The following KCNH5 variants were observed in gnomAD, a reference collection of about 807,000 sequenced individuals.
The protein encoded by KCNH5 is potassium voltage-gated channel subfamily H member 5.
In KCNH5, 46 loss-of-function variants were observed where a neutral mutation model predicts 96.1. The observed-to-expected ratio is 0.48, with a 90% CI of 0.38 to 0.61. The LOEUF is 0.61. Among genes scored for constraint, KCNH5 ranks in the 20% least tolerant of loss-of-function variants. KCNH5 has a pLI of 0.00. For synonymous variants in KCNH5, 439 were observed against 449.8 expected (o/e 0.98, Z 0.30); for missense variants, 907 against 1,225.8 (o/e 0.74, Z 3.88).
chr14:62,893,643 C>A (rs771382094), intron 7 of KCNH5, among the ~76,000 whole-genome samples: 1 of 152,106 alleles, frequency 6.6e-6, no homozygotes, highest in Non-Finnish European at 1.5e-5. Flanking sequence ...GTAATCCCAG[C>A]TACTTGGGAG....
chr14:62,904,508 A>T (rs912785026), intron 7 of KCNH5, among the ~76,000 whole-genome samples: 19 of 152,116 alleles, frequency 1.2e-4, no homozygotes, highest in Admixed American at 1.0e-3. Flanking sequence ...ATGGTCCTCA[A>T]TGGTTTCCTT....
chr14:62,791,854 T>C (rs1273715423), intron 9 of KCNH5, among the ~76,000 whole-genome samples: 1 of 151,620 alleles, frequency 6.6e-6, no homozygotes, highest in African/African-American at 2.4e-5. Flanking sequence ...CTTTCAACAA[T>C]GGATAGATCA....
chr14:62,807,366 T>C (rs1886788474), intron 8 of KCNH5, among the ~76,000 whole-genome samples: 2 of 152,130 alleles, frequency 1.3e-5, no homozygotes, highest in Admixed American at 1.3e-4. Flanking sequence ...ATAAAAGAGC[T>C]CTAATTAATT....
intron 7 of KCNH5, among the ~76,000 whole-genome samples, chr14:62,886,224 A>C (rs1054658726): frequency 6.6e-6 from 1 of 152,160 alleles, no homozygotes; most frequent in Non-Finnish European, 1.5e-5. Flanking sequence ...AAACATCTCT[A>C]ATTGCACAGC....
At chr14:63,045,024 C>A in intron 1 of KCNH5, 90 bp downstream of exon 1, 5 of 1,045,818 alleles carry the variant, frequency 4.8e-6, no homozygotes, top group Non-Finnish European at 7.5e-6. Context: ...CATCCTCCTC[C>A]CCCCTTGGGA....
At chr14:62,771,442 T>C (rs546311550) in intron 10 of KCNH5, among the ~76,000 whole-genome samples, 10 of 152,158 alleles carry the variant, frequency 6.6e-5, no homozygotes, top group East Asian at 5.8e-4. Flanking sequence ...CTGGCTAACA[T>C]GGTGAAACCC....
At chr14:62,882,386 G>C (rs1888511692) in intron 7 of KCNH5, among the ~76,000 whole-genome samples, 1 of 152,150 alleles carries the variant, frequency 6.6e-6, no homozygotes, top group Non-Finnish European at 1.5e-5. Context: ...CTAGTATTGA[G>C]CTGCATGCTG....
chr14:62,812,290 C>T (rs1886888463), intron 8 of KCNH5, among the ~76,000 whole-genome samples: 1 of 152,138 alleles, frequency 6.6e-6, no homozygotes, highest in South Asian at 2.1e-4. Flanking sequence ...CATAGAACAG[C>T]CTAAATTTCA....
chr14:62,979,356 T>A (rs991397498), intron 6 of KCNH5, among the ~76,000 whole-genome samples: 2 of 152,038 alleles, frequency 1.3e-5, no homozygotes, highest in African/African-American at 4.8e-5. Flanking sequence ...ATTATTATGA[T>A]TTTTTTCTCA....
intron 1 of KCNH5, among the ~76,000 whole-genome samples, chr14:63,026,014 A>T (rs1891518129): frequency 6.6e-6 from 1 of 152,070 alleles, no homozygotes; most frequent in Non-Finnish European, 1.5e-5. Context: ...ATAAAAATAG[A>T]CACAAAGACA....
intron 10 of KCNH5, among the ~76,000 whole-genome samples, chr14:62,726,423 C>T (rs1376768103): frequency 2.6e-5 from 4 of 151,762 alleles, no homozygotes; most frequent in Middle Eastern, 3.4e-3. Context: ...TATCCAGAAT[C>T]TATAAAAAAT....
Position 62,941,407 on chromosome 14 carries a change from T to C in KCNH5, c.1369+8726A>G, listed in dbSNP as rs17100553. 7.0e-3 allele frequency among the ~76,000 whole-genome samples: 1,060 copies of C among 152,298 alleles called. 9 individuals carry two copies. Among genetic ancestry groups the C allele is most frequent in the African/African-American group, 0.024 (1,004 of 41,564 alleles). On this transcript the variant is annotated intron_variant, in intron 7 of 10. Transcript: ENST00000322893. ...AAGTGTACATCACACAGTCTTTTTC[T>C]AACTACTGGACTACACATCTGAGAC...
chr14:63,003,976 C>T (rs1020897790), intron 3 of KCNH5, among the ~76,000 whole-genome samples: 31 of 152,070 alleles, frequency 2.0e-4, no homozygotes, highest in South Asian at 4.2e-4. Context: ...TAGAAACAGC[C>T]CCCTGCTAAT....
At chr14:62,909,325 G>A (rs1889104516) in intron 7 of KCNH5, among the ~76,000 whole-genome samples, 1 of 151,956 alleles carries the variant, frequency 6.6e-6, no homozygotes, top group Non-Finnish European at 1.5e-5. Flanking sequence ...GATTACAGGC[G>A]TGAGCCACCG....
intron 7 of KCNH5, among the ~76,000 whole-genome samples, chr14:62,898,602 C>T (rs1362634279): frequency 2.0e-5 from 3 of 151,956 alleles, no homozygotes; most frequent in African/African-American, 7.2e-5. Flanking sequence ...TAACTATGTA[C>T]TGTTTACAAG....
chr14:62,860,947 T>G (rs191349905), intron 7 of KCNH5, among the ~76,000 whole-genome samples: 31 of 152,220 alleles, frequency 2.0e-4, no homozygotes, highest in African/African-American at 7.2e-4. Context: ...AGAAAGAAAG[T>G]GAGGGAGGTT....
intron 6 of KCNH5, among the ~76,000 whole-genome samples, chr14:62,972,858 G>A (rs936700124): frequency 6.6e-6 from 1 of 152,124 alleles, no homozygotes; most frequent in African/African-American, 2.4e-5. Flanking sequence ...AGCAGAGAAG[G>A]AGAAAAGAAT....
chr14:62,926,052 G>T (rs561056563), intron 7 of KCNH5, among the ~76,000 whole-genome samples: 1 of 152,134 alleles, frequency 6.6e-6, no homozygotes, highest in Admixed American at 6.6e-5. Flanking sequence ...CTTCATATAT[G>T]CTAAAGTAAC....
intron 10 of KCNH5, among the ~76,000 whole-genome samples, chr14:62,769,052 C>T (rs1885927476): frequency 6.6e-6 from 1 of 152,226 alleles, no homozygotes; most frequent in Non-Finnish European, 1.5e-5. Flanking sequence ...AGGTCTGCCT[C>T]TTTCTACCCC....
Sources: gnomAD v4.1 joint callset for allele counts (sites outside exome capture counted in the v4.1 genomes callset) on GRCh38, gnomAD v4.1.1 for gene constraint, MANE v1.5 for transcripts, NCBI Gene and HGNC (gene_info 2026-07-23, HGNC 2026-07-21) for gene names.